The following COPB2 variants were observed in gnomAD, a reference collection of about 807,000 sequenced individuals.
COPB2 encodes the protein coatomer subunit beta'.
In COPB2, 16 loss-of-function variants were observed where a neutral mutation model predicts 120.8. The observed-to-expected ratio is 0.13, with a 90% CI of 0.09 to 0.20. The LOEUF (loss-of-function observed/expected upper bound fraction) is 0.20, where lower values mean the gene tolerates loss of function less well. Ranked by LOEUF, COPB2 falls within the 10% of genes least tolerant of loss-of-function variation. The pLI, the probability that COPB2 is intolerant of heterozygous loss-of-function variation, is 1.00. For synonymous variants in COPB2, 332 were observed against 366.3 expected (o/e 0.91, Z 1.07); for missense variants, 794 against 1,076.5 (o/e 0.74, Z 3.67).
Position 139,357,674 on chromosome 3 carries a change from A to G in COPB2, c.*189T>C. ...GTCTGTTTTAGTTAACAAGGAAAAC[A>G]CAGTGATTTAAATGCTGCACATAAA... On this transcript the variant is annotated 3_prime_UTR_variant, in exon 22 of 22. Coordinates refer to ENST00000333188, the MANE Select transcript of COPB2 (RefSeq NM_004766.3). The G allele has an allele frequency of 2.4e-6, 1 of 422,896 alleles. No individual in the cohort carries two copies. Among genetic ancestry groups the G allele is most frequent in the South Asian group, 7.7e-5 (1 of 12,944 alleles). The allele number at this position is 422,896 out of a possible 1,614,324, so 26.2% of individuals were successfully genotyped here.
At chr3:139,376,772 TG>T (rs1941719911) in intron 5 of COPB2, among the ~76,000 whole-genome samples, 1 of 152,256 alleles carries the variant, frequency 6.6e-6, no homozygotes, top group African/African-American at 2.4e-5. Flanking sequence ...TTATTTGAGA[TG>T]GAGTCTCGCT....
At chr3:139,371,287 A>C (rs918205454) in intron 10 of COPB2, among the ~76,000 whole-genome samples, 1 of 152,208 alleles carries the variant, frequency 6.6e-6, no homozygotes, top group Non-Finnish European at 1.5e-5. Flanking sequence ...AGATTTAATA[A>C]ATTTCTCATC....
At position 139,383,326 on chromosome 3, in the gene COPB2, C is replaced by T; in HGVS notation, c.113G>A (p.Ser38Asn). 6.2e-7 allele frequency: 1 copy of T among 1,613,986 alleles called. No homozygotes were observed. The change falls in exon 2 of 22, where the codon AGT becomes AAT. Residue 38 changes from serine to asparagine, a missense_variant. Physicochemically the swap from Ser to Asn is conservative, Grantham distance 46. This residue lies in a region of COPB2 where 610 missense variants were observed against 866.7 expected (regional missense o/e 0.70). Coordinates refer to ENST00000333188, the MANE Select transcript of COPB2 (RefSeq NM_004766.3). ...TGTTTCATGATTCCAAACACACACA[C>T]TGCCATTGTAAAGACTTGCCAACAT... The part of the protein sequence containing the change: ...PWMLASLYNG[S>N]VCVWNHETQT...
In COPB2 at chr3:139,383,420, T is replaced by A; in HGVS notation, c.19A>T (p.Ile7Phe). 6.4e-7 allele frequency: 1 copy of A among 1,565,516 alleles called. No individual in the cohort carries two copies. The highest frequency in any genetic ancestry group is 8.6e-7 in the Non-Finnish European group (1 of 1,157,812). The change falls in exon 2 of 22, where the codon ATC (isoleucine) becomes TTC (phenylalanine). Residue 7 changes from isoleucine (I) to phenylalanine (F), a missense_variant. Physicochemically the swap from Ile to Phe is conservative, Grantham distance 21 (BLOSUM62 0). Around this residue, in one of 3 missense-constraint regions of COPB2, gnomAD observed 610 missense variants for 866.7 expected, o/e 0.70. Coordinates refer to ENST00000333188, the MANE Select transcript of COPB2 (RefSeq NM_004766.3). ...GATCTAGCAGTTAGCTTTCTTTTGA[T>A]ATCAAGTCGCAGAGGCTAAAAAGAA... MPLRLD[I>F]KRKLTARSDR...
chr3:139,377,297 G>A (rs1941731084), intron 5 of COPB2, among the ~76,000 whole-genome samples: 1 of 152,204 alleles, frequency 6.6e-6, no homozygotes, highest in Non-Finnish European at 1.5e-5. Flanking sequence ...AATGGGATAA[G>A]CATAACTGGC....
Position 139,357,840 on chromosome 3 carries a change from C to G in COPB2, c.*23G>C. ...TATATATAATAATGATCTGTTTAGTCAGGTAAATGGAAAGCATTACAGTCA... is the reference window on the plus strand; with the variant it reads ...TATATATAATAATGATCTGTTTAGTGAGGTAAATGGAAAGCATTACAGTCA... On this transcript the variant is annotated 3_prime_UTR_variant, in exon 22 of 22. Coordinates refer to ENST00000333188, the MANE Select transcript of COPB2 (RefSeq NM_004766.3). The G allele has an allele frequency of 7.7e-7, 1 of 1,302,872 alleles. No homozygotes were observed. Among genetic ancestry groups the G allele is most frequent in the Non-Finnish European group, 1.1e-6 (1 of 912,864 alleles). The allele number at this position is 1,302,872 out of a possible 1,614,324, so 80.7% of individuals were successfully genotyped here.
chr3:139,359,794 A>C (rs1311402684), intron 17 of COPB2, among the ~76,000 whole-genome samples: 1 of 151,994 alleles, frequency 6.6e-6, no homozygotes, highest in African/African-American at 2.4e-5. Context: ...TTCTATTTTA[A>C]TTTCATTTTT....
At chr3:139,358,399 C>G (rs1195035655) in intron 20 of COPB2, 128 bp from the exon 21 acceptor site, 1 of 837,544 alleles carries the variant, frequency 1.2e-6, no homozygotes, top group African/African-American at 1.7e-5. Flanking sequence ...ACCATCTCAG[C>G]CAGGCACAGT....
intron 17 of COPB2, among the ~76,000 whole-genome samples, chr3:139,360,634 T>TCTTTATG (rs1039256985): frequency 7.2e-5 from 11 of 152,124 alleles, no homozygotes; most frequent in Admixed American, 7.2e-4. Context: ...ATATGAGACA[T>TCTTTATG]CTTTATGCTT....
chr3:139,367,169 A>G, intron 13 of COPB2, 24 bp from the exon 14 acceptor site: 1 of 1,608,996 alleles, frequency 6.2e-7, no homozygotes, highest in Non-Finnish European at 8.5e-7. Context: ...AATAAAGACA[A>G]TTACTTTATC....
chr3:139,367,259 T>C, intron 13 of COPB2, 114 bp from the exon 14 acceptor site: 1 of 1,261,728 alleles, frequency 7.9e-7, no homozygotes. Flanking sequence ...AGTAAAATCC[T>C]TCCTATTTCT....
In COPB2 at chr3:139,366,668, T is replaced by G; in HGVS notation, c.1784A>C (p.Gln595Pro). ...AAAGTCCCTCCGCATGACAGCTGTC[T>G]GGTATTCCAGGACTGAAACCAGCAG... is the stretch of plus-strand genomic sequence containing the variant. ...YSLLVSVLEY[Q>P]TAVMRRDFSM... is the part of the protein sequence containing the mutation. Residue 595 changes from glutamine (Q) to proline (P), a missense_variant, in exon 15 of 22, where the codon CAG becomes CCG. Physicochemically the swap from Gln to Pro is moderately conservative, Grantham distance 76. Coordinates refer to ENST00000333188, the MANE Select transcript of COPB2 (RefSeq NM_004766.3). 6.2e-7 allele frequency: 1 copy of G among 1,614,122 alleles called. No homozygotes were observed. Among genetic ancestry groups the G allele is most frequent in the Non-Finnish European group, 8.5e-7 (1 of 1,179,974 alleles).
chr3:139,375,287 A>G (rs1941692947), intron 6 of COPB2, among the ~76,000 whole-genome samples, 181 bp downstream of exon 6: 1 of 152,194 alleles, frequency 6.6e-6, no homozygotes, highest in African/African-American at 2.4e-5. Flanking sequence ...TATTTTTAAA[A>G]TCTTGATATG....
intron 2 of COPB2, 181 bp downstream of exon 2, chr3:139,383,117 T>C (rs1410514711): frequency 2.9e-6 from 2 of 693,098 alleles, no homozygotes; most frequent in Non-Finnish European, 5.0e-6. Flanking sequence ...CCCAGGACAG[T>C]TTCTCCTACA....
Position 139,373,816 on chromosome 3 carries a change from G to A in COPB2, c.752-8C>T. On this transcript the variant is annotated splice_polypyrimidine_tract_variant and splice_region_variant and intron_variant, in intron 7 of 21. Transcript: ENST00000333188. ...GCCAAATACGTACTGTTCCTAAAAA[G>A]AACAATGTAAATACTCCCTTTTGAT... is the stretch of plus-strand genomic sequence containing the variant. 6.2e-7 allele frequency: 1 copy of A among 1,613,678 alleles called. No individual in the cohort carries two copies. The highest frequency in any genetic ancestry group is 1.7e-5 in the Admixed American group (1 of 59,944).
intron 10 of COPB2, among the ~76,000 whole-genome samples, chr3:139,370,260 C>A (rs765995560): frequency 6.6e-6 from 1 of 152,184 alleles, no homozygotes; most frequent in East Asian, 1.9e-4. Flanking sequence ...TAGTACTGAA[C>A]CCTATATACA....
At chr3:139,376,852 C>T (rs1225160179) in intron 5 of COPB2, among the ~76,000 whole-genome samples, 3 of 152,226 alleles carry the variant, frequency 2.0e-5, no homozygotes, top group African/African-American at 4.8e-5. Context: ...CAGGTTCATG[C>T]CATTCTCCTG....
At chr3:139,359,442 G>T in intron 17 of COPB2, 80 bp from the exon 18 acceptor site, 1 of 1,333,672 alleles carries the variant, frequency 7.5e-7, no homozygotes, top group Non-Finnish European at 1.0e-6. Flanking sequence ...TAAATTTAGT[G>T]TTACAAAGCC....
intron 1 of COPB2, among the ~76,000 whole-genome samples, chr3:139,388,619 A>C (rs577317357): frequency 6.8e-6 from 1 of 147,694 alleles, no homozygotes; most frequent in East Asian, 2.0e-4. Flanking sequence ...TCTGTGCTTC[A>C]TAACAAGTTT....
Sources: allele counts gnomAD v4.1 joint callset (sites outside exome capture counted in the v4.1 genomes callset), GRCh38; gene constraint gnomAD v4.1.1; regional missense constraint gnomAD v4.1.1; transcripts MANE v1.5; gene names NCBI Gene and HGNC (gene_info 2026-07-23, HGNC 2026-07-21).